The following PRMT7 variants were observed in gnomAD, a reference collection of about 807,000 sequenced individuals.
PRMT7 encodes protein arginine N-methyltransferase 7.
A neutral mutation model predicts 85.4 loss-of-function variants in PRMT7; 75 were observed. The ratio of observed to expected loss-of-function variants is 0.88; its 90% CI spans 0.73 to 1.06. The LOEUF is 1.06. Among genes scored for constraint, PRMT7 ranks in the 50% least tolerant of loss-of-function variants. The pLI is 0.00. For synonymous variants in PRMT7, 397 were observed against 359.5 expected, an observed-to-expected ratio of 1.10 and a Z score of -1.18; for missense variants, 868 against 915.2, an observed-to-expected ratio of 0.95 and a Z score of 0.67.
At chr16:68,315,565 C>T (rs1213690975) in intron 2 of PRMT7, 1 of 251,846 alleles carries the variant, frequency 4.0e-6, no homozygotes, top group Non-Finnish European at 7.7e-6. Context: ...CTTCTCCTAG[C>T]CTTGAGGGCT....
intron 6 of PRMT7, among the ~76,000 whole-genome samples, chr16:68,335,780 CTT>C (rs771646295): frequency 2.2e-4 from 31 of 137,888 alleles, no homozygotes; most frequent in Admixed American, 3.7e-4. Flanking sequence ...TGCTCTCTTT[CTT>C]TTTTTTTTTT....
At chr16:68,355,378 G>T (rs1222122968) in intron 16 of PRMT7, 2 of 199,882 alleles carry the variant, frequency 1.0e-5, no homozygotes, top group Non-Finnish European at 2.0e-5. Context: ...GTGGCCCGGG[G>T]CCCACCTGTC....
chr16:68,330,416 G>A (rs545739037), intron 6 of PRMT7, among the ~76,000 whole-genome samples: 7 of 151,578 alleles, frequency 4.6e-5, no homozygotes, highest in Admixed American at 1.3e-4. Context: ...CCATCTCAGC[G>A]ACCCAAGTAC....
intron 5 of PRMT7, among the ~76,000 whole-genome samples, chr16:68,327,926 T>C (rs1010805000): frequency 1.9e-4 from 27 of 144,750 alleles, no homozygotes; most frequent in African/African-American, 6.4e-4. Flanking sequence ...GTGAGACCCT[T>C]CTCAAAAAAA....
chr16:68,315,800 C>T, intron 2 of PRMT7, 97 bp from the exon 3 acceptor site: 1 of 614,480 alleles, frequency 1.6e-6, no homozygotes, highest in Non-Finnish European at 2.9e-6. Context: ...CTTTTGTCTC[C>T]CCTTCCCCCC....
intron 6 of PRMT7, among the ~76,000 whole-genome samples, chr16:68,336,626 A>T (rs897685066): frequency 3.3e-5 from 5 of 152,188 alleles, no homozygotes; most frequent in African/African-American, 1.2e-4. Flanking sequence ...TTAATTGTTA[A>T]TTTATATCTC....
chr16:68,339,162 G>A (rs1483691966), intron 7 of PRMT7, among the ~76,000 whole-genome samples, 160 bp from the exon 8 acceptor site: 1 of 152,168 alleles, frequency 6.6e-6, no homozygotes, highest in Non-Finnish European at 1.5e-5. Context: ...CCTTTTCCAA[G>A]GGCATAGGGC....
chr16:68,311,068 A>T lies in PRMT7; in HGVS notation c.-250A>T. On this transcript the variant is annotated 5_prime_UTR_variant, in exon 1 of 19. Transcript: ENST00000441236. Reference sequence around the variant, plus strand: ...TGCTGGCCGCGGTAAAAGTGGTAGCAGCGGAGGCGAGCGGAGGGTTTCCCG... The same window carrying T: ...TGCTGGCCGCGGTAAAAGTGGTAGCTGCGGAGGCGAGCGGAGGGTTTCCCG... 1.3e-6 allele frequency: 1 copy of T among 772,334 alleles called. No individual in the cohort carries two copies. The allele number at this position is 772,334 out of a possible 1,614,324, so 47.8% of individuals were successfully genotyped here. A position where few individuals can be genotyped will look rare whatever the true frequency, so the allele number is the denominator to read the frequency against.
chr16:68,339,245 CCT>C (rs1270427644), intron 7 of PRMT7, 75 bp from the exon 8 acceptor site: 1 of 1,579,298 alleles, frequency 6.3e-7, no homozygotes, highest in East Asian at 2.2e-5. Context: ...AAGGAATAAA[CCT>C]CTTTTGATCA....
At chr16:68,328,245 C>A in intron 5 of PRMT7, 1 of 194,356 alleles carries the variant, frequency 5.1e-6, no homozygotes, top group South Asian at 6.2e-5. Context: ...GTCAGAACAA[C>A]TTTGATGTTA....
chr16:68,342,246 C>G (rs949761376), intron 9 of PRMT7, among the ~76,000 whole-genome samples: 1 of 151,586 alleles, frequency 6.6e-6, no homozygotes, highest in Non-Finnish European at 1.5e-5. Context: ...CCACTGCACT[C>G]AAACCTGGGT....
At chr16:68,341,392 A>C (rs903891210) in intron 9 of PRMT7, among the ~76,000 whole-genome samples, 1 of 152,116 alleles carries the variant, frequency 6.6e-6, no homozygotes, top group Non-Finnish European at 1.5e-5. Context: ...TCTCCCTGAA[A>C]ATTCACAGGC....
intron 7 of PRMT7, 90 bp from the exon 8 acceptor site, chr16:68,339,231 TG>T: frequency 6.5e-7 from 1 of 1,542,810 alleles, no homozygotes; most frequent in Non-Finnish European, 8.8e-7. Flanking sequence ...ACCAACCTAA[TG>T]TTAAGGAATA....
At chr16:68,331,100 C>G (rs2151595217) in intron 6 of PRMT7, among the ~76,000 whole-genome samples, 1 of 152,324 alleles carries the variant, frequency 6.6e-6, no homozygotes, top group African/African-American at 2.4e-5. Context: ...ATAACCCTTT[C>G]TATCAGTCCC....
At chr16:68,319,435 C>G (rs1482504162) in intron 3 of PRMT7, among the ~76,000 whole-genome samples, 5 of 151,646 alleles carry the variant, frequency 3.3e-5, no homozygotes, top group Non-Finnish European at 5.9e-5. Context: ...TGGTGGTTAC[C>G]GAGAGTGATG....
intron 2 of PRMT7, among the ~76,000 whole-genome samples, chr16:68,312,466 A>G (rs1454570046): frequency 2.6e-5 from 4 of 151,996 alleles, no homozygotes; most frequent in African/African-American, 9.7e-5. Flanking sequence ...TGGAACTCCC[A>G]GACTCGATAT....
chr16:68,338,634 C>G (rs1244126990), intron 7 of PRMT7, among the ~76,000 whole-genome samples: 8 of 152,086 alleles, frequency 5.3e-5, no homozygotes, highest in South Asian at 2.1e-4. Flanking sequence ...TCTACCAGAG[C>G]AAGGTTGGGA....
chr16:68,325,662 G>A (rs1185156815), intron 5 of PRMT7, among the ~76,000 whole-genome samples: 2 of 151,812 alleles, frequency 1.3e-5, no homozygotes, highest in Non-Finnish European at 2.9e-5. Context: ...GTGGTGATGC[G>A]CGCCTGTAAT....
chr16:68,356,630 G>A (rs1416054492), intron 17 of PRMT7, 71 bp from the exon 18 acceptor site: 3 of 1,211,578 alleles, frequency 2.5e-6, no homozygotes, highest in Admixed American at 2.0e-5. Flanking sequence ...CTGGAAAGCC[G>A]CAGGAGCTGC....
Sources: gnomAD v4.1 joint callset for allele counts (sites outside exome capture counted in the v4.1 genomes callset) on GRCh38, gnomAD v4.1.1 for gene constraint, MANE v1.5 for transcripts, NCBI Gene and HGNC (gene_info 2026-07-23, HGNC 2026-07-21) for gene names.